The following NCOR1 variants were observed in gnomAD, a reference collection of about 807,000 sequenced individuals.
NCOR1 encodes the protein protein phosphatase 1, regulatory subunit 109.
Under a neutral mutation model 288.1 loss-of-function variants are expected in NCOR1, and 63 were observed. That is an observed-to-expected ratio of 0.22 (90% CI 0.18 to 0.27). The LOEUF (loss-of-function observed/expected upper bound fraction) is 0.27, where lower values mean the gene tolerates loss of function less well. Among genes scored for constraint, NCOR1 ranks in the 10% least tolerant of loss-of-function variants. The pLI is 1.00. For missense variants in NCOR1, 2,397 were observed against 3,019.2 expected, an observed-to-expected ratio of 0.79 and a Z score of 4.83; for synonymous variants, 1,007 against 1,065.9, an observed-to-expected ratio of 0.94 and a Z score of 1.08.
intron 1 of NCOR1, among the ~76,000 whole-genome samples, chr17:16,211,142 A>G (rs938283508): frequency 6.6e-6 from 1 of 152,210 alleles, no homozygotes; most frequent in Non-Finnish European, 1.5e-5. Context: ...GCCCAACTTT[A>G]GCAACTTAGG....
At chr17:16,185,008 C>CAAAAA (rs34725978) in intron 3 of NCOR1, among the ~76,000 whole-genome samples, 6 of 97,292 alleles carry the variant, frequency 6.2e-5, no homozygotes, top group African/African-American at 1.6e-4. Flanking sequence ...GAATCTTAAA[C>CAAAAA]AAAAAAAAAA....
intron 22 of NCOR1, among the ~76,000 whole-genome samples, chr17:16,090,107 A>G (rs535452566): frequency 6.6e-6 from 1 of 152,246 alleles, no homozygotes; most frequent in South Asian, 2.1e-4. Context: ...TTGGAGTCTC[A>G]GAATTTGGGG....
chr17:16,127,341 GTATGTATATA>G (rs2074493361), intron 14 of NCOR1, among the ~76,000 whole-genome samples: 1 of 40,738 alleles, frequency 2.5e-5, no homozygotes, highest in African/African-American at 8.7e-5. Context: ...ATATATACAT[GTATGTATATA>G]TGTATGTATA....
chr17:16,183,300 A>G (rs1320440169), intron 3 of NCOR1, among the ~76,000 whole-genome samples: 5 of 151,754 alleles, frequency 3.3e-5, no homozygotes, highest in Admixed American at 3.3e-4. Flanking sequence ...GGAAAAAGTA[A>G]AAATATCTTT....
chr17:16,054,879 C>G (rs1227263185), intron 40 of NCOR1, among the ~76,000 whole-genome samples: 1 of 152,126 alleles, frequency 6.6e-6, no homozygotes, highest in African/African-American at 2.4e-5. Flanking sequence ...TTACAGTGAG[C>G]TAAGATCACA....
chr17:16,171,995 C>T lies in NCOR1; in HGVS notation c.243G>A (p.Arg81=), dbSNP rs1318993250. ...CATAACTAGTTCTCCTTTCTTGAGG[C>T]CTAATACATACAAAGAAAATAAACA... is the stretch of plus-strand genomic sequence containing the variant. ...LLSEFHPGSD[R]PQERRTSYEP... is the part of the protein sequence containing the mutation. Residue 81 remains arginine (R), a splice_region_variant and synonymous_variant, in exon 4 of 46, where the codon AGG becomes AGA. Transcript: ENST00000268712. The T allele has an allele frequency of 4.5e-6, 7 of 1,543,584 alleles. No homozygotes were observed. The highest frequency in any genetic ancestry group is 6.1e-6 in the Non-Finnish European group (7 of 1,145,648).
chr17:16,071,948 T>C (rs148638899), intron 29 of NCOR1, among the ~76,000 whole-genome samples, 197 bp downstream of exon 29: 142 of 152,298 alleles, frequency 9.3e-4, no homozygotes, highest in African/African-American at 3.3e-3. Context: ...AATAAAGATA[T>C]CTCTATATTA....
At position 16,040,010 on chromosome 17, in the gene NCOR1, G is replaced by A. The variant is rs111595872; in HGVS notation, c.6734-356C>T. On this transcript the variant is annotated intron_variant, in intron 43 of 45. Coordinates refer to ENST00000268712, the MANE Select transcript of NCOR1 (RefSeq NM_006311.4). ...TCACCATATTGGTCAGGCTGATCTCGAATTCCGAACCTCAGGTGATCCGCC... is the reference window on the plus strand; with the variant it reads ...TCACCATATTGGTCAGGCTGATCTCAAATTCCGAACCTCAGGTGATCCGCC... 4.9e-3 allele frequency: 1,917 copies of A among 390,500 alleles called. 22 individuals carry two copies. The highest frequency in any genetic ancestry group is 0.029 in the African/African-American group (1,408 of 47,880). The allele number at this position is 390,500 out of a possible 1,614,324, so 24.2% of individuals were successfully genotyped here.
intron 5 of NCOR1, among the ~76,000 whole-genome samples, chr17:16,161,621 A>C (rs1335079513): frequency 6.6e-6 from 1 of 152,162 alleles, no homozygotes; most frequent in African/African-American, 2.4e-5. Context: ...CATTAACTTT[A>C]CAATGTATTT....
chr17:16,062,227 G>A lies in NCOR1; in HGVS notation c.5265C>T (p.Arg1755=), dbSNP rs750417141. Residue 1755 remains arginine, a synonymous_variant, in exon 36 of 46, where the codon CGC becomes CGT. Coordinates refer to ENST00000268712, the MANE Select transcript of NCOR1 (RefSeq NM_006311.4). ...GAGTTCTTACTGAAGGGGAAGGGGA[G>A]CGAACATATCCATGACTGCCAGGTC... The part of the protein sequence containing the change: ...PGRPGSHGYV[R]SPSPSVRTQE... 3 of 1,613,336 alleles carry A rather than the reference G, an allele frequency of 1.9e-6. No homozygotes were observed. Among genetic ancestry groups the A allele is most frequent in the Non-Finnish European group, 2.5e-6 (3 of 1,179,888 alleles).
intron 10 of NCOR1, 62 bp from the exon 11 acceptor site, chr17:16,143,758 A>C: frequency 8.2e-7 from 1 of 1,214,002 alleles, no homozygotes; most frequent in Non-Finnish European, 1.2e-6. Flanking sequence ...ATATCAATTA[A>C]ATTAACTATA....
At chr17:16,075,751 G>GA in intron 26 of NCOR1, 49 bp from the exon 27 acceptor site, 1 of 1,597,530 alleles carries the variant, frequency 6.3e-7, no homozygotes, top group Non-Finnish European at 8.6e-7. Flanking sequence ...CGAGTTTAGG[G>GA]AAAACACAAG....
chr17:16,146,312 A>T (rs11078333), intron 10 of NCOR1, 64 bp downstream of exon 10: 705,647 of 1,433,184 alleles, frequency 0.49, 180,978 homozygotes, highest in Middle Eastern at 0.55. Context: ...AAAAATTTTT[A>T]AAAAAAAGAA....
chr17:16,113,471 A>G (rs1671564032), intron 18 of NCOR1, among the ~76,000 whole-genome samples: 1 of 152,230 alleles, frequency 6.6e-6, no homozygotes, highest in Admixed American at 6.5e-5. Flanking sequence ...ATATTTTAAC[A>G]GATTTTTCAG....
At chr17:16,151,460 G>T in intron 8 of NCOR1, 1 of 614,988 alleles carries the variant, frequency 1.6e-6, no homozygotes, top group Non-Finnish European at 2.6e-6. Context: ...TCATGGAAGG[G>T]ATTTCCCTAG....
At chr17:16,088,181 C>T (rs1243625000) in intron 22 of NCOR1, among the ~76,000 whole-genome samples, 1 of 152,114 alleles carries the variant, frequency 6.6e-6, no homozygotes, top group South Asian at 2.1e-4. Flanking sequence ...TCATTGAGTA[C>T]TTCCTCTCAA....
intron 4 of NCOR1, among the ~76,000 whole-genome samples, chr17:16,166,904 G>A (rs2082122167): frequency 6.6e-6 from 1 of 152,142 alleles, no homozygotes; most frequent in Non-Finnish European, 1.5e-5. Flanking sequence ...AATGCAGAAT[G>A]TTTACATATT....
At chr17:16,173,457 T>G (rs1214784366) in intron 3 of NCOR1, among the ~76,000 whole-genome samples, 3 of 151,748 alleles carry the variant, frequency 2.0e-5, no homozygotes, top group Non-Finnish European at 2.9e-5. Context: ...TAAAAAGAAA[T>G]AAGCATTTTT....
At chr17:16,166,540 C>T (rs368868569) in intron 4 of NCOR1, among the ~76,000 whole-genome samples, 21 of 151,868 alleles carry the variant, frequency 1.4e-4, no homozygotes, top group East Asian at 5.8e-4. Flanking sequence ...ATTAGCTGGG[C>T]GTGGTGGCGG....
Sources: gnomAD v4.1 joint callset for allele counts (sites outside exome capture counted in the v4.1 genomes callset) on GRCh38, gnomAD v4.1.1 for gene constraint, MANE v1.5 for transcripts, NCBI Gene and HGNC (gene_info 2026-07-23, HGNC 2026-07-21) for gene names.